ARHGEF18: variants seen among roughly 807,000 people sequenced by gnomAD.
ARHGEF18 encodes the protein Rho/Rac guanine nucleotide exchange factor 18, also known as rho guanine nucleotide exchange factor 18.
ARHGEF18 carries 93 observed loss-of-function variants against 155.7 expected under a neutral mutation model. That is an observed-to-expected ratio of 0.60 (90% CI 0.50 to 0.71). The LOEUF is 0.71. Ranked by LOEUF, ARHGEF18 falls within the 30% of genes least tolerant of loss-of-function variation. The probability of loss-of-function intolerance (pLI) is 0.00; values close to 1 mark genes in which losing one functional copy is unlikely to be tolerated. For synonymous variants in ARHGEF18, 742 were observed against 753.1 expected, an observed-to-expected ratio of 0.99 and a Z score of 0.24; for missense variants, 1,593 against 1,816.1, an observed-to-expected ratio of 0.88 and a Z score of 2.23.
chr19:7,383,459 G>A (rs1458140094), intron 10 of ARHGEF18: 1 of 403,028 alleles, frequency 2.5e-6, no homozygotes, highest in Non-Finnish European at 4.3e-6. Context: ...ATCTGGACTT[G>A]AGCCGTGTAT....
Position 7,462,155 on chromosome 19 carries a change from G to C in ARHGEF18, c.2456G>C (p.Arg819Pro). ...CACCTCCACCATCACTCTGCAGAGC[G>C]GTTGAGCATGAAAGACCAGCTGATC... is the stretch of plus-strand genomic sequence containing the variant. ...RATRLRDFQE[R>P]LSMKDQLIAQ... The change falls in exon 21 of 29, where the codon CGG (arginine) becomes CCG (proline). Residue 819 changes from arginine (R) to proline (P), a missense_variant. Physicochemically the swap from Arg to Pro is moderately radical, Grantham distance 103. Coordinates refer to ENST00000668164, the MANE Select transcript of ARHGEF18 (RefSeq NM_001367823.1). This position sits in a 1 kb window ranked among gnomAD's most constrained non-coding sequence, Gnocchi z 4.4. The C allele has an allele frequency of 3.1e-6, 5 of 1,613,838 alleles. No individual in the cohort carries two copies. The highest frequency in any genetic ancestry group is 4.2e-6 in the Non-Finnish European group (5 of 1,180,008).
intron 10 of ARHGEF18, among the ~76,000 whole-genome samples, chr19:7,418,136 A>G (rs948566767): frequency 3.3e-5 from 5 of 152,186 alleles, no homozygotes; most frequent in Non-Finnish European, 7.3e-5. Context: ...GAGGAAGTGA[A>G]TGGTAGTACA....
At chr19:7,420,679 G>A (rs1172943496) in intron 10 of ARHGEF18, among the ~76,000 whole-genome samples, 9 of 152,310 alleles carry the variant, frequency 5.9e-5, no homozygotes, top group Middle Eastern at 3.4e-3. Flanking sequence ...GCACTTTGTC[G>A]CTCAAGTGCA....
At chr19:7,416,848 T>C (rs972198285) in intron 10 of ARHGEF18, among the ~76,000 whole-genome samples, 15 of 151,982 alleles carry the variant, frequency 9.9e-5, no homozygotes, top group East Asian at 9.7e-4. Flanking sequence ...CATGATCCGC[T>C]CGCCTCAGCC....
At chr19:7,477,053 G>A (rs984499625), downstream of ARHGEF18, 3 of 642,166 alleles carry the variant, frequency 4.7e-6, no homozygotes, top group Non-Finnish European at 2.3e-6. Context: ...AGGCCTGGGG[G>A]ACCTCGCATC....
At chr19:7,409,784 T>TA (rs377307594) in intron 10 of ARHGEF18, among the ~76,000 whole-genome samples, 49 of 136,562 alleles carry the variant, frequency 3.6e-4, no homozygotes, top group African/African-American at 1.3e-3. Context: ...TTTTTTTTTT[T>TA]ATTGAGATGG....
In ARHGEF18 at chr19:7,391,682, G is replaced by A. The variant is rs146995971; in HGVS notation, c.967+8479G>A. Among the ~76,000 whole-genome samples, 289 of 152,186 alleles carry A rather than the reference G, an allele frequency of 1.9e-3. 1 individual carries two copies. The highest frequency in any genetic ancestry group is 6.4e-3 in the African/African-American group (267 of 41,540). On this transcript the variant is annotated intron_variant, in intron 10 of 28. Transcript: ENST00000668164. Reference sequence around the variant, plus strand: ...GAAGTCGGAATTAGGCTGGATAAGTGTCTGAATGTCTCTTAGGCCAGTTGC... The same window carrying A: ...GAAGTCGGAATTAGGCTGGATAAGTATCTGAATGTCTCTTAGGCCAGTTGC...
chr19:7,422,162 A>G (rs1973384749), intron 10 of ARHGEF18, among the ~76,000 whole-genome samples: 1 of 152,100 alleles, frequency 6.6e-6, no homozygotes. Context: ...TGCCTCTCCT[A>G]TCACTGGTTA....
chr19:7,469,198 G>A, intron 27 of ARHGEF18, 67 bp downstream of exon 27: 2 of 1,463,132 alleles, frequency 1.4e-6, no homozygotes, highest in Non-Finnish European at 1.8e-6. Flanking sequence ...GCGGCTCGCT[G>A]GGAGCCAGGA....
intron 26 of ARHGEF18, 125 bp downstream of exon 26, chr19:7,467,809 C>A: frequency 1.0e-6 from 1 of 965,482 alleles, no homozygotes; most frequent in African/African-American, 1.7e-5. Flanking sequence ...GCAAACGGCA[C>A]AAGATACCCT....
rs569480209 is a variant in ARHGEF18 at position 7,441,353 on chromosome 19, T to C, written c.1107-300T>C. On this transcript the variant is annotated intron_variant, in intron 11 of 28. Transcript: ENST00000668164. Reference sequence around the variant, plus strand: ...TGCCACCACACCCGGCTAATTTTTGTATTTTTAGCAGAGACGGGATTTTGC... The same window carrying C: ...TGCCACCACACCCGGCTAATTTTTGCATTTTTAGCAGAGACGGGATTTTGC... Among the ~76,000 whole-genome samples the C allele has an allele frequency of 2.6e-5, 4 of 152,162 alleles. No individual in the cohort carries two copies. In the East Asian group the frequency reaches 7.7e-4, roughly 29 times the overall value.
At position 7,470,516 on chromosome 19, in the gene ARHGEF18, CT is replaced by C. The variant is rs72215888; in HGVS notation, c.*231del. The C allele has an allele frequency of 0.075, 23,588 of 314,218 alleles. No individual in the cohort carries two copies. Among genetic ancestry groups the C allele is most frequent in the East Asian group, 0.11 (2,235 of 19,646 alleles). 19.5% of individuals were successfully genotyped at this position (314,218 alleles called of 1,614,324 possible). A position where few individuals can be genotyped will look rare whatever the true frequency, so the allele number is the denominator to read the frequency against. On this transcript the variant is annotated 3_prime_UTR_variant, in exon 29 of 29. Transcript: ENST00000668164. The surrounding 1 kb of genome is among the most constrained non-coding windows in gnomAD (Gnocchi z 5.9). ...GGTGCCGGGGTCACTTTCTGAATCTCTTTTTTTTTTTTTCAAAAAGGAAAGT... is the reference window on the plus strand; with the variant it reads ...GGTGCCGGGGTCACTTTCTGAATCTCTTTTTTTTTTTTCAAAAAGGAAAGT...
chr19:7,473,991 T>TA (rs578042222), downstream of ARHGEF18, among the ~76,000 whole-genome samples: 1,023 of 123,282 alleles, frequency 8.3e-3, 8 homozygotes, highest in African/African-American at 0.023. Context: ...TATAAGAGCT[T>TA]AAAAAAAAAA....
At chr19:7,404,457 C>CTT (rs35583640) in intron 10 of ARHGEF18, among the ~76,000 whole-genome samples, 132 of 115,268 alleles carry the variant, frequency 1.1e-3, no homozygotes, top group Middle Eastern at 4.4e-3. Context: ...GGATCTCTCT[C>CTT]TTTTTTTTTT....
chr19:7,434,976 C>T (rs1275906189), intron 10 of ARHGEF18, among the ~76,000 whole-genome samples: 5 of 152,162 alleles, frequency 3.3e-5, no homozygotes, highest in Non-Finnish European at 5.9e-5. Context: ...CCAAGGCGGG[C>T]GGATCACCTG....
chr19:7,468,250 CA>C (rs59156728), intron 26 of ARHGEF18, among the ~76,000 whole-genome samples: 69 of 122,306 alleles, frequency 5.6e-4, no homozygotes, highest in Non-Finnish European at 5.7e-4. Flanking sequence ...GACCCCGTCT[CA>C]AAAAAAAAAA....
At chr19:7,472,812 G>A (rs1977102308), downstream of ARHGEF18, 1 of 364,366 alleles carries the variant, frequency 2.7e-6, no homozygotes, top group African/African-American at 2.1e-5. Context: ...CACTTCTCCT[G>A]CCTCAGCCTC....
At position 7,441,685 on chromosome 19, in the gene ARHGEF18, C is replaced by T; in HGVS notation, c.1139C>T (p.Ser380Phe). Reference protein sequence around the residue: ...PITGEMDEADSAFLKFKQTAD... With the variant: ...PITGEMDEADFAFLKFKQTAD... ...ACAGGAGAGATGGATGAAGCCGATTCTGCGTTTTTAAAATTTAAGCAGACA... is the reference window on the plus strand; with the variant it reads ...ACAGGAGAGATGGATGAAGCCGATTTTGCGTTTTTAAAATTTAAGCAGACA... Residue 380 changes from serine to phenylalanine, a missense_variant, in exon 12 of 29, where the codon TCT becomes TTT. Coordinates refer to ENST00000668164, the MANE Select transcript of ARHGEF18 (RefSeq NM_001367823.1). 6.2e-7 allele frequency: 1 copy of T among 1,614,178 alleles called. No individual in the cohort carries two copies. The highest frequency in any genetic ancestry group is 1.1e-5 in the South Asian group (1 of 91,080).
chr19:7,453,420 T>C, intron 16 of ARHGEF18, 47 bp from the exon 17 acceptor site: 1 of 1,543,002 alleles, frequency 6.5e-7, no homozygotes, highest in Non-Finnish European at 8.8e-7. Context: ...CCACTTCTGT[T>C]GTGTTAAAGT....
Sources: allele counts gnomAD v4.1 joint callset (sites outside exome capture counted in the v4.1 genomes callset), GRCh38; gene constraint gnomAD v4.1.1; non-coding constraint Gnocchi (gnomAD v3.1); transcripts MANE v1.5; gene names NCBI Gene and HGNC (gene_info 2026-07-23, HGNC 2026-07-21).